Variants in TENM4 observed in about 807,000 individuals in gnomAD.
TENM4 encodes teneurin-4.
A neutral mutation model predicts 243.3 loss-of-function variants in TENM4; 82 were observed. That is an observed-to-expected ratio of 0.34 (90% CI 0.28 to 0.40). The LOEUF is 0.40. Among genes scored for constraint, TENM4 ranks in the 10% least tolerant of loss-of-function variants. The probability of loss-of-function intolerance (pLI) is 1.00; values close to 1 mark genes in which losing one functional copy is unlikely to be tolerated. For missense variants in TENM4, 3,138 were observed against 3,673.3 expected, an observed-to-expected ratio of 0.85 and a Z score of 3.77; for synonymous variants, 1,412 against 1,456.3, an observed-to-expected ratio of 0.97 and a Z score of 0.69.
At chr11:79,129,415 C>A (rs773390293) in intron 4 of TENM4, among the ~76,000 whole-genome samples, 1 of 152,156 alleles carries the variant, frequency 6.6e-6, no homozygotes, top group Non-Finnish European at 1.5e-5. Flanking sequence ...TGTGCAGACT[C>A]CACAGGCGGA....
At chr11:79,006,899 A>C (rs1387247333) in intron 6 of TENM4, among the ~76,000 whole-genome samples, 1 of 152,220 alleles carries the variant, frequency 6.6e-6, no homozygotes, top group Non-Finnish European at 1.5e-5. Flanking sequence ...TTTTTGAACA[A>C]GAATAACATT....
At chr11:79,128,184 A>G (rs548964614) in intron 4 of TENM4, among the ~76,000 whole-genome samples, 1 of 152,320 alleles carries the variant, frequency 6.6e-6, no homozygotes, top group South Asian at 2.1e-4. Flanking sequence ...AAATCACAGC[A>G]GAGGCCTCTA....
chr11:78,986,837 GTGC>G (rs199709927), intron 6 of TENM4, among the ~76,000 whole-genome samples: 1,673 of 152,290 alleles, frequency 0.011, 37 homozygotes, highest in African/African-American at 0.038. Context: ...GCCTCCCAAA[GTGC>G]TGGGATTGCA....
At chr11:78,856,338 G>GT (rs1247772012) in intron 10 of TENM4, among the ~76,000 whole-genome samples, 160 bp from the exon 11 acceptor site, 1 of 152,096 alleles carries the variant, frequency 6.6e-6, no homozygotes, top group Non-Finnish European at 1.5e-5. Flanking sequence ...TCCCCACATG[G>GT]AGGAGTAAAA....
At chr11:78,811,569 A>AAC (rs749041202) in intron 14 of TENM4, among the ~76,000 whole-genome samples, 1,822 of 65,084 alleles carry the variant, frequency 0.028, 14 homozygotes, top group East Asian at 0.056. Context: ...CATACACATG[A>AAC]ACACACACAC....
intron 4 of TENM4, among the ~76,000 whole-genome samples, chr11:79,120,974 T>TC (rs1861733781): frequency 6.6e-6 from 1 of 152,222 alleles, no homozygotes; most frequent in African/African-American, 2.4e-5. Flanking sequence ...TTGCCCAAAG[T>TC]CACACATTAG....
At chr11:79,243,611 C>G (rs912748654) in intron 2 of TENM4, among the ~76,000 whole-genome samples, 36 of 152,164 alleles carry the variant, frequency 2.4e-4, no homozygotes, top group African/African-American at 8.0e-4. Flanking sequence ...GCCACTGTCT[C>G]CAGGGTGGGC....
intron 4 of TENM4, among the ~76,000 whole-genome samples, chr11:79,135,898 A>C (rs1258973263): frequency 6.6e-6 from 1 of 151,418 alleles, no homozygotes; most frequent in Non-Finnish European, 1.5e-5. Flanking sequence ...AATCTGGATG[A>C]GATTGGAGAC....
chr11:79,241,258 G>A (rs968839649), intron 2 of TENM4, among the ~76,000 whole-genome samples: 18 of 152,196 alleles, frequency 1.2e-4, no homozygotes, highest in African/African-American at 3.6e-4. Flanking sequence ...TAGACTGCTG[G>A]AAGAGGGGTT....
chr11:78,812,277 A>G lies in TENM4; in HGVS notation c.1823T>C (p.Met608Thr), dbSNP rs1175483639. 5.2e-6 allele frequency: 8 copies of G among 1,551,700 alleles called. No individual in the cohort carries two copies. Among genetic ancestry groups the G allele is most frequent in the Middle Eastern group, 1.7e-4 (1 of 6,014 alleles). The change falls in exon 14 of 34, where the codon ATG (methionine) becomes ACG (threonine). Residue 608 changes from methionine (M) to threonine (T), a missense_variant. Transcript: ENST00000278550. ...ACTGTGGCACAAGCATCTGCCTTTC[A>G]TGTATTGGCCATTTCCGCTACAGAG... The part of the protein sequence containing the change: ...PVLCSGNGQY[M>T]KGRCLCHSGW...
intron 1 of TENM4, among the ~76,000 whole-genome samples, chr11:79,388,821 C>G (rs1858170195): frequency 6.6e-6 from 1 of 152,162 alleles, no homozygotes; most frequent in African/African-American, 2.4e-5. Flanking sequence ...GACTCCAAAA[C>G]TGGAGAGGAG....
At chr11:79,409,591 T>C (rs535723434) in intron 1 of TENM4, among the ~76,000 whole-genome samples, 1 of 152,158 alleles carries the variant, frequency 6.6e-6, no homozygotes, top group Admixed American at 6.5e-5. Context: ...GGCTGCTCCA[T>C]AGCTGCCCCC....
At chr11:79,363,888 T>G (rs1857631797) in intron 1 of TENM4, among the ~76,000 whole-genome samples, 1 of 152,220 alleles carries the variant, frequency 6.6e-6, no homozygotes. Context: ...TTTCCTTCCT[T>G]TATTGTTTCA....
chr11:78,672,521 A>C (rs1028456714), intron 30 of TENM4, among the ~76,000 whole-genome samples, 192 bp from the exon 31 acceptor site: 2 of 152,226 alleles, frequency 1.3e-5, no homozygotes, highest in Admixed American at 6.5e-5. Flanking sequence ...CCTCACCTGT[A>C]AAATGGGGAC....
chr11:78,991,675 T>C (rs1858050661), intron 6 of TENM4, among the ~76,000 whole-genome samples: 1 of 152,216 alleles, frequency 6.6e-6, no homozygotes, highest in African/African-American at 2.4e-5. Flanking sequence ...ATGTGGCCTC[T>C]CTCACAGCCA....
At chr11:79,409,833 C>A (rs1038272506) in intron 1 of TENM4, among the ~76,000 whole-genome samples, 29 of 152,172 alleles carry the variant, frequency 1.9e-4, no homozygotes, top group African/African-American at 6.8e-4. Flanking sequence ...GCTTTCTTGG[C>A]CCCTGATGGA....
At chr11:79,309,679 C>A (rs1365405470) in intron 1 of TENM4, among the ~76,000 whole-genome samples, 1 of 152,166 alleles carries the variant, frequency 6.6e-6, no homozygotes, top group East Asian at 1.9e-4. Context: ...GGCTGTGAGC[C>A]ATAGACTTAG....
At chr11:79,430,545 T>C (rs1859146270) in intron 1 of TENM4, among the ~76,000 whole-genome samples, 1 of 152,300 alleles carries the variant, frequency 6.6e-6, no homozygotes, top group African/African-American at 2.4e-5. Flanking sequence ...AAAAGGAGTG[T>C]ACATTCTAAA....
chr11:79,310,752 C>T (rs572508213), intron 1 of TENM4, among the ~76,000 whole-genome samples: 1 of 152,260 alleles, frequency 6.6e-6, no homozygotes, highest in South Asian at 2.1e-4. Flanking sequence ...CACTCTGAGT[C>T]CTGTTTTTCC....
Sources: gnomAD v4.1 joint callset for allele counts (sites outside exome capture counted in the v4.1 genomes callset) on GRCh38, gnomAD v4.1.1 for gene constraint, MANE v1.5 for transcripts, NCBI Gene and HGNC (gene_info 2026-07-23, HGNC 2026-07-21) for gene names.